Variants in PLK1 observed in about 807,000 individuals in gnomAD.
PLK1 encodes the protein serine/threonine-protein kinase PLK1.
Under a neutral mutation model 56.7 loss-of-function variants are expected in PLK1, and 6 were observed. That is an observed-to-expected ratio of 0.11 (90% CI 0.06 to 0.21). The LOEUF is 0.21. PLK1 is among the 10% of genes least tolerant of loss of function. The pLI, the probability that PLK1 is intolerant of heterozygous loss-of-function variation, is 1.00. For missense variants in PLK1, 546 were observed against 814.4 expected (o/e 0.67, Z 4.01); for synonymous variants, 298 against 325.0 (o/e 0.92, Z 0.89).
rs1307403019 is a variant in PLK1 at position 23,687,465 on chromosome 16, C to A, written c.1037-4C>A. The A allele has an allele frequency of 1.3e-6, 2 of 1,565,170 alleles. No homozygotes were observed. Among genetic ancestry groups the A allele is most frequent in the Admixed American group, 1.8e-5 (1 of 56,546 alleles). On this transcript the variant is annotated splice_polypyrimidine_tract_variant and splice_region_variant and intron_variant, in intron 5 of 9. Transcript: ENST00000300093. ...CAACGCCCCTGTTTTTGTCACCTTC[C>A]TAGGCTTGGAGAACCCCCTGCCTGA...
intron 1 of PLK1, 185 bp from the exon 2 acceptor site, chr16:23,679,899 C>T (rs1175703726): frequency 7.0e-6 from 4 of 568,000 alleles, no homozygotes; most frequent in Non-Finnish European, 1.3e-5. Context: ...GGTCCAGATG[C>T]CGCTGTGCTG....
At chr16:23,688,409 G>C (rs1264530548) in intron 6 of PLK1, among the ~76,000 whole-genome samples, 3 of 152,246 alleles carry the variant, frequency 2.0e-5, no homozygotes, top group Non-Finnish European at 4.4e-5. Context: ...CAGTAAATGG[G>C]TCAGTGGAAT....
Position 23,688,761 on chromosome 16 carries a change from A to G in PLK1, c.1270+16A>G, listed in dbSNP as rs1385667329. 5 of 1,585,020 alleles carry G rather than the reference A, an allele frequency of 3.2e-6. No individual in the cohort carries two copies. Among genetic ancestry groups the G allele is most frequent in the Non-Finnish European group, 4.3e-6 (5 of 1,153,534 alleles). Reference sequence around the variant, plus strand: ...TACGGCCTTGGTAGGTTTCTTCCAGAACAGGTGGGTGACTCAGGCACAGCC... The same window carrying G: ...TACGGCCTTGGTAGGTTTCTTCCAGGACAGGTGGGTGACTCAGGCACAGCC... On this transcript the variant is annotated intron_variant, in intron 7 of 9. Transcript: ENST00000300093.
intron 7 of PLK1, 96 bp downstream of exon 7, chr16:23,688,841 T>TCTCCA (rs1959477332): frequency 1.2e-6 from 1 of 846,282 alleles, no homozygotes. Context: ...CCAGGTACTG[T>TCTCCA]TCTCAGTGCC....
At position 23,687,523 on chromosome 16, in the gene PLK1, G is replaced by C; in HGVS notation, c.1091G>C (p.Arg364Pro). Residue 364 changes from arginine (R) to proline (P), a missense_variant, in exon 6 of 10, where the codon CGA becomes CCA. By Grantham distance (103) the Arg-to-Pro change is moderately radical. Around this residue, in one of 7 missense-constraint regions of PLK1, gnomAD observed 157 missense variants for 184.0 expected, o/e 0.85. Coordinates refer to ENST00000300093, the MANE Select transcript of PLK1 (RefSeq NM_005030.6). Reference protein sequence around the residue: ...RPREKEEPVVRETGEVVDCHL... With the variant: ...RPREKEEPVVPETGEVVDCHL... The stretch of plus-strand genomic sequence containing the variant: ...CGGGAAAAAGAAGAACCAGTGGTTC[G>C]AGAGACAGGTGAGGTGGTCGACTGC... 6.2e-7 allele frequency: 1 copy of C among 1,602,196 alleles called. No homozygotes were observed. The highest frequency in any genetic ancestry group is 2.3e-5 in the East Asian group (1 of 44,226).
In PLK1 at chr16:23,678,988, A is replaced by G. The variant is rs966462064; in HGVS notation, c.56A>G (p.Lys19Arg). ...GCACGGGCACCGGCCGACCCTGGGAAAGCCGGGGTCCCCGGAGTTGCAGCT... is the reference window on the plus strand; with the variant it reads ...GCACGGGCACCGGCCGACCCTGGGAGAGCCGGGGTCCCCGGAGTTGCAGCT... Reference protein sequence around the residue: ...KLARAPADPGKAGVPGVAAPG... With the variant: ...KLARAPADPGRAGVPGVAAPG... The change falls in exon 1 of 10, where the codon AAA (lysine) becomes AGA (arginine). Residue 19 changes from lysine to arginine, a missense_variant. Lys to Arg is a conservative substitution (Grantham distance 26). This residue lies in a region of PLK1 where 72 missense variants were observed against 63.7 expected (regional missense o/e 1.13). Coordinates refer to ENST00000300093, the MANE Select transcript of PLK1 (RefSeq NM_005030.6). 9 of 1,599,690 alleles carry G rather than the reference A, an allele frequency of 5.6e-6. No individual in the cohort carries two copies. The highest frequency in any genetic ancestry group is 7.7e-6 in the Non-Finnish European group (9 of 1,173,764).
At chr16:23,685,532 C>T (rs750515874) in intron 5 of PLK1, among the ~76,000 whole-genome samples, 10 of 151,986 alleles carry the variant, frequency 6.6e-5, no homozygotes, top group African/African-American at 1.9e-4. Flanking sequence ...CATGGCGAAA[C>T]GCTGTCTCTA....
intron 5 of PLK1, 40 bp from the exon 6 acceptor site, chr16:23,687,429 C>G: frequency 2.0e-6 from 3 of 1,496,862 alleles, no homozygotes; most frequent in Non-Finnish European, 2.7e-6. Context: ...AGGGGAGTCC[C>G]GTGCCCTTCC....
chr16:23,681,581 C>G (rs1001786022), intron 3 of PLK1, among the ~76,000 whole-genome samples: 3 of 152,098 alleles, frequency 2.0e-5, no homozygotes, highest in African/African-American at 4.8e-5. Flanking sequence ...GAGGCTTGGG[C>G]CTTTTCAGGT....
chr16:23,687,018 T>C (rs571453907), intron 5 of PLK1: 1 of 152,588 alleles, frequency 6.6e-6, no homozygotes, highest in East Asian at 1.9e-4. Flanking sequence ...TTTTCAAGCT[T>C]TTTTGGTTAT....
chr16:23,688,785 C>A, intron 7 of PLK1, 40 bp downstream of exon 7: 2 of 1,383,430 alleles, frequency 1.4e-6, no homozygotes, highest in Non-Finnish European at 2.1e-6. Context: ...TCAGGCACAG[C>A]CAGGTGACCT....
Position 23,684,957 on chromosome 16 carries a change from C to CTTTTTTTTT in PLK1, c.1036+902_1036+910dup, listed in dbSNP as rs71154221. On this transcript the variant is annotated intron_variant, in intron 5 of 9. Coordinates refer to ENST00000300093, the MANE Select transcript of PLK1 (RefSeq NM_005030.6). Reference sequence around the variant, plus strand: ...ACAGGCGTGAACCACCAGGCCCGGCCTTTTTTTTTTTTTTTTTTTTTTTTT... The same window carrying CTTTTTTTTT: ...ACAGGCGTGAACCACCAGGCCCGGCCTTTTTTTTTTTTTTTTTTTTTTTTTTTTTTTTTT... Among the ~76,000 whole-genome samples the CTTTTTTTTT allele has an allele frequency of 1.8e-4, 10 of 56,940 alleles. 2 individuals are homozygous for CTTTTTTTTT. The highest frequency in any genetic ancestry group is 1.6e-4 in the Non-Finnish European group (5 of 30,368). 37.4% of individuals were successfully genotyped at this position (56,940 alleles called of 152,430 possible). A position where few individuals can be genotyped will look rare whatever the true frequency, so the allele number is the denominator to read the frequency against.
At chr16:23,685,974 A>G (rs1372955773) in intron 5 of PLK1, among the ~76,000 whole-genome samples, 1 of 152,188 alleles carries the variant, frequency 6.6e-6, no homozygotes, top group East Asian at 1.9e-4. Flanking sequence ...TATGTCTGAA[A>G]TAGACTCATG....
chr16:23,690,048 T>C lies in PLK1; in HGVS notation c.1797T>C (p.Arg599=), dbSNP rs768352921. The C allele has an allele frequency of 6.2e-7, 1 of 1,609,886 alleles. No individual in the cohort carries two copies. The highest frequency in any genetic ancestry group is 8.5e-7 in the Non-Finnish European group (1 of 1,179,662). Reference sequence around the variant, plus strand: ...TGAGCTCACGCTCGGCCAGCAACCGTCTCAAGGCCTCCTAATAGCTGCCCT... The same window carrying C: ...TGAGCTCACGCTCGGCCAGCAACCGCCTCAAGGCCTCCTAATAGCTGCCCT... The part of the protein sequence containing the change: ...KLLSSRSASN[R]LKAS Residue 599 remains arginine (R), a synonymous_variant, in exon 10 of 10, where the codon CGT becomes CGC. Coordinates refer to ENST00000300093, the MANE Select transcript of PLK1 (RefSeq NM_005030.6).
At position 23,687,504 on chromosome 16, in the gene PLK1, A is replaced by G. The variant is rs770287669; in HGVS notation, c.1072A>G (p.Lys358Glu). ...ENPLPERPRE[K>E]EEPVVRETGE... ...CCCCCTGCCTGAGCGTCCCCGGGAA[A>G]AAGAAGAACCAGTGGTTCGAGAGAC... is the stretch of plus-strand genomic sequence containing the variant. The change falls in exon 6 of 10, where the codon AAA becomes GAA. Residue 358 changes from lysine (K) to glutamate (E), a missense_variant. By Grantham distance (56) the Lys-to-Glu change is moderately conservative. Coordinates refer to ENST00000300093, the MANE Select transcript of PLK1 (RefSeq NM_005030.6). The G allele has an allele frequency of 2.5e-6, 4 of 1,596,688 alleles. No homozygotes were observed. The highest frequency in any genetic ancestry group is 1.3e-5 in the African/African-American group (1 of 74,544).
intron 6 of PLK1, among the ~76,000 whole-genome samples, chr16:23,688,232 G>A (rs1241567778): frequency 6.6e-6 from 1 of 152,214 alleles, no homozygotes; most frequent in African/African-American, 2.4e-5. Flanking sequence ...ACTCCAAACT[G>A]GAAAACTAGA....
intron 1 of PLK1, 125 bp downstream of exon 1, chr16:23,679,465 T>C (rs774345269): frequency 1.1e-6 from 1 of 884,212 alleles, no homozygotes; most frequent in Non-Finnish European, 1.7e-6. Flanking sequence ...AGAAGGGTGC[T>C]GGGAGCCTCC....
intron 1 of PLK1, chr16:23,679,558 C>CT: frequency 1.8e-6 from 1 of 545,424 alleles, no homozygotes; most frequent in South Asian, 2.5e-5. Context: ...GAAGTGGAGT[C>CT]TGAGTCATGT....
intron 5 of PLK1, among the ~76,000 whole-genome samples, chr16:23,684,818 C>T (rs895411346): frequency 2.0e-5 from 3 of 151,926 alleles, no homozygotes; most frequent in African/African-American, 4.8e-5. Flanking sequence ...CCACCATGCC[C>T]GGCTGTTTTT....
Sources: allele counts gnomAD v4.1 joint callset (sites outside exome capture counted in the v4.1 genomes callset), GRCh38; gene constraint gnomAD v4.1.1; regional missense constraint gnomAD v4.1.1; transcripts MANE v1.5; gene names NCBI Gene and HGNC (gene_info 2026-07-23, HGNC 2026-07-21).